ANK1: variants seen among roughly 807,000 people sequenced by gnomAD.
ANK1 encodes the protein ankyrin 1.
ANK1 carries 51 observed loss-of-function variants against 210.4 expected under a neutral mutation model. That is an observed-to-expected ratio of 0.24 (90% CI 0.19 to 0.31). ANK1 has a LOEUF of 0.31. Among genes scored for constraint, ANK1 ranks in the 10% least tolerant of loss-of-function variants. The pLI, the probability that ANK1 is intolerant of heterozygous loss-of-function variation, is 1.00. For missense variants in ANK1, 2,051 were observed against 2,504.4 expected (o/e 0.82, Z 3.86); for synonymous variants, 967 against 1,025.9 (o/e 0.94, Z 1.10).
chr8:41,721,588 C>T (rs1829272965), intron 9 of ANK1, among the ~76,000 whole-genome samples: 1 of 141,032 alleles, frequency 7.1e-6, no homozygotes, highest in Non-Finnish European at 1.5e-5. Context: ...ACCTGTGAGG[C>T]GGAGGTTGCA....
chr8:41,800,575 G>A (rs966859693), upstream of ANK1, among the ~76,000 whole-genome samples: 6 of 152,164 alleles, frequency 3.9e-5, no homozygotes, highest in African/African-American at 9.7e-5. Context: ...CTAACAAAGA[G>A]GCTCTGGGTT....
intron 15 of ANK1, 67 bp downstream of exon 15, chr8:41,714,909 C>G (rs997079221): frequency 1.4e-6 from 2 of 1,461,096 alleles, no homozygotes; most frequent in East Asian, 4.5e-5. Context: ...TCTGCAAGTG[C>G]TGATGTCCAT....
At chr8:41,727,384 C>G in intron 4 of ANK1, 36 bp from the exon 5 acceptor site, 1 of 1,511,040 alleles carries the variant, frequency 6.6e-7, no homozygotes, top group African/African-American at 1.4e-5. Context: ...AGCATCCACC[C>G]GCAATTTAAG....
rs191921029 is a variant in ANK1 at position 41,775,159 on chromosome 8, T to C, written c.28-17022A>G. On this transcript the variant is annotated intron_variant, in intron 1 of 42. Coordinates refer to ENST00000289734, the MANE Select transcript of ANK1 (RefSeq NM_000037.4). ...TGCCCAGGCGTTGGACAGCCCTGCA[T>C]GGCACGCTCTTCCTCAGCAATGAAG... 3.6e-3 allele frequency among the ~76,000 whole-genome samples: 542 copies of C among 152,126 alleles called. 1 individual carries two copies. Among genetic ancestry groups the C allele is most frequent in the Admixed American group, 7.0e-3 (107 of 15,288 alleles).
chr8:41,758,080 A>C lies in ANK1; in HGVS notation c.85T>G (p.Leu29Val), dbSNP rs1052968472. ...TCTACCCCATTCCGCAGGTGATCCA[A>C]AGCTTTGTCCAAGTTACCTGATCTT... ...AARSGNLDKA[L>V]DHLRNGVDIN... Residue 29 changes from leucine (L) to valine (V), a missense_variant, in exon 2 of 43, where the codon TTG (leucine) becomes GTG (valine). Coordinates refer to ENST00000289734, the MANE Select transcript of ANK1 (RefSeq NM_000037.4). 1 of 1,614,036 alleles carries C rather than the reference A, an allele frequency of 6.2e-7. No individual in the cohort carries two copies. Among genetic ancestry groups the C allele is most frequent in the Non-Finnish European group, 8.5e-7 (1 of 1,180,038 alleles).
chr8:41,805,058 T>C (rs1554632104), intron 1 of ANK1, among the ~76,000 whole-genome samples: 2 of 129,074 alleles, frequency 1.5e-5, no homozygotes, highest in Non-Finnish European at 3.4e-5. Flanking sequence ...GTTTCTTTCT[T>C]TCTCTCTGTG....
At chr8:41,723,054 G>A (rs1249587422) in intron 9 of ANK1, 71 bp downstream of exon 9, 15 of 1,359,512 alleles carry the variant, frequency 1.1e-5, no homozygotes, top group Non-Finnish European at 1.5e-5. Flanking sequence ...ACAGAAATAG[G>A]ATTTGATGCC....
upstream of ANK1, among the ~76,000 whole-genome samples, chr8:41,800,773 T>C (rs1042294714): frequency 1.3e-5 from 2 of 152,220 alleles, no homozygotes; most frequent in African/African-American, 4.8e-5. Context: ...GTCACCAGGC[T>C]GGAGTGCAGT....
intron 1 of ANK1, among the ~76,000 whole-genome samples, chr8:41,789,785 AG>A (rs1300842209): frequency 2.6e-5 from 4 of 152,230 alleles, no homozygotes; most frequent in African/African-American, 9.7e-5. Context: ...CTAGAAAGCG[AG>A]GACACTGTCA....
intron 2 of ANK1, among the ~76,000 whole-genome samples, chr8:41,737,203 G>A (rs1398994387): frequency 2.6e-5 from 4 of 152,172 alleles, no homozygotes; most frequent in Admixed American, 2.0e-4. Context: ...GGAGGCTGAG[G>A]TAGGAGAACA....
intron 1 of ANK1, among the ~76,000 whole-genome samples, chr8:41,850,299 G>A (rs1041709389): frequency 3.9e-5 from 6 of 151,900 alleles, no homozygotes; most frequent in Non-Finnish European, 5.9e-5. Flanking sequence ...TGGGGCTAAC[G>A]GTGACAACTC....
chr8:41,695,369 T>C (rs1327530325), intron 26 of ANK1, 38 bp from the exon 27 acceptor site: 5 of 1,612,202 alleles, frequency 3.1e-6, no homozygotes, highest in Non-Finnish European at 2.5e-6. Context: ...GAGGTGCTCA[T>C]ACAAGGCAGG....
intron 1 of ANK1, among the ~76,000 whole-genome samples, chr8:41,803,032 A>AG (rs1850239305): frequency 1.1e-5 from 1 of 93,394 alleles, no homozygotes; most frequent in African/African-American, 4.6e-5. Flanking sequence ...AAAGAAAGAA[A>AG]GAAAGAAAGA....
chr8:41,760,505 G>A lies in ANK1; in HGVS notation c.28-2368C>T, dbSNP rs193103821. Among the ~76,000 whole-genome samples, 560 of 152,196 alleles carry A rather than the reference G, an allele frequency of 3.7e-3. 2 individuals carry two copies. The highest frequency in any genetic ancestry group is 0.012 in the African/African-American group (516 of 41,528). The stretch of plus-strand genomic sequence containing the variant: ...TTTCCTTTATAAATTACCCAGTCTC[G>A]GGTACATCTTTATTAGCAGTGTGAG... On this transcript the variant is annotated intron_variant, in intron 1 of 42. Coordinates refer to ENST00000289734, the MANE Select transcript of ANK1 (RefSeq NM_000037.4).
intron 1 of ANK1, among the ~76,000 whole-genome samples, chr8:41,768,129 A>T (rs1308664404): frequency 6.6e-6 from 1 of 152,120 alleles, no homozygotes; most frequent in South Asian, 2.1e-4. Flanking sequence ...TCACCCTTTC[A>T]TGCAGTCATT....
At chr8:41,890,998 ACAAGAAC>A (rs1819336436) in intron 1 of ANK1, among the ~76,000 whole-genome samples, 5 of 152,236 alleles carry the variant, frequency 3.3e-5, no homozygotes, top group Admixed American at 6.5e-5. Flanking sequence ...AAGAGATAAA[ACAAGAAC>A]TTCTGCATGT....
Position 41,689,603 on chromosome 8 carries a change from C to T in ANK1, c.4104+624G>A, listed in dbSNP as rs149274845. On this transcript the variant is annotated intron_variant, in intron 33 of 42. Transcript: ENST00000289734. ...ACAACAGCAACGAAAACCACAGAGA[C>T]GGTCTGGAGACGTATGATCCCTCCA... Among the ~76,000 whole-genome samples, 125 of 152,290 alleles carry T rather than the reference C, an allele frequency of 8.2e-4. 1 individual carries two copies. The highest frequency in any genetic ancestry group is 2.8e-3 in the African/African-American group (116 of 41,558).
At chr8:41,783,166 A>G (rs527261898) in intron 1 of ANK1, among the ~76,000 whole-genome samples, 3 of 152,298 alleles carry the variant, frequency 2.0e-5, no homozygotes, top group Admixed American at 1.3e-4. Flanking sequence ...ACCAAGTCCT[A>G]TTTCCTCTGA....
intron 29 of ANK1, among the ~76,000 whole-genome samples, chr8:41,693,417 C>CTT (rs71239074): frequency 1.1e-4 from 5 of 45,234 alleles, no homozygotes; most frequent in Non-Finnish European, 1.5e-4. Flanking sequence ...GGGGCATGGA[C>CTT]TTTTTTTTTT....
Sources: gnomAD v4.1 joint callset for allele counts (sites outside exome capture counted in the v4.1 genomes callset) on GRCh38, gnomAD v4.1.1 for gene constraint, MANE v1.5 for transcripts, NCBI Gene and HGNC (gene_info 2026-07-23, HGNC 2026-07-21) for gene names.